The following RFX3 variants were observed in gnomAD, a reference collection of about 807,000 sequenced individuals.
The protein encoded by RFX3 is regulatory factor X3.
RFX3 carries 14 observed loss-of-function variants against 98.6 expected under a neutral mutation model. The ratio of observed to expected loss-of-function variants is 0.14; its 90% CI spans 0.09 to 0.22. The LOEUF (loss-of-function observed/expected upper bound fraction) is 0.22. RFX3 is among the 10% of genes least tolerant of loss of function. The pLI, the probability that RFX3 is intolerant of heterozygous loss-of-function variation, is 1.00. For missense variants in RFX3, 639 were observed against 926.9 expected (o/e 0.69, Z 4.03); for synonymous variants, 383 against 328.4 (o/e 1.17, Z -1.80).
chr9:3,501,700 G>C (rs781714156), intron 1 of RFX3, among the ~76,000 whole-genome samples: 37 of 151,296 alleles, frequency 2.4e-4, no homozygotes, highest in Non-Finnish European at 4.9e-4. Flanking sequence ...GGGATTACAA[G>C]GCATGTATCA....
intron 4 of RFX3, among the ~76,000 whole-genome samples, chr9:3,329,209 C>G (rs1478242852): frequency 6.6e-6 from 1 of 151,866 alleles, no homozygotes; most frequent in African/African-American, 2.4e-5. Flanking sequence ...GAGTTCGAGA[C>G]CAGCCTGGCC....
intron 8 of RFX3, among the ~76,000 whole-genome samples, chr9:3,276,276 G>T (rs991278959): frequency 6.6e-6 from 1 of 152,056 alleles, no homozygotes; most frequent in African/African-American, 2.4e-5. Flanking sequence ...CCTTCACACA[G>T]AATACAGGGA....
chr9:3,494,668 G>C (rs2133560191), intron 1 of RFX3, among the ~76,000 whole-genome samples: 1 of 152,174 alleles, frequency 6.6e-6, no homozygotes, highest in African/African-American at 2.4e-5. Context: ...ATCATTCTAT[G>C]TTAATGTTTT....
intron 2 of RFX3, among the ~76,000 whole-genome samples, chr9:3,347,201 G>A (rs1172481085): frequency 2.0e-5 from 3 of 151,994 alleles, no homozygotes; most frequent in Non-Finnish European, 2.9e-5. Flanking sequence ...TGCGCCTGTA[G>A]TCCCAGTTAC....
At chr9:3,310,465 G>A (rs916910911) in intron 4 of RFX3, among the ~76,000 whole-genome samples, 6 of 152,156 alleles carry the variant, frequency 3.9e-5, no homozygotes. Context: ...TGTTAAAAGA[G>A]TAAAGGTCAA....
chr9:3,511,189 A>G (rs1817629879), intron 1 of RFX3, among the ~76,000 whole-genome samples: 2 of 152,038 alleles, frequency 1.3e-5, no homozygotes, highest in South Asian at 4.1e-4. Flanking sequence ...TTCATATCTT[A>G]ATCATTTAAT....
Position 3,257,045 on chromosome 9 carries a change from C to T in RFX3, c.1760G>A (p.Arg587Lys). ...MMQALKPYEGRPSFPKAARQF... is the reference protein window; with the variant it reads ...MMQALKPYEGKPSFPKAARQF... The stretch of plus-strand genomic sequence containing the variant: ...CCTGGCGGCTTTAGGAAAACTGGGT[C>T]TTCCTTCATAGGGTTTCAGTGCTTG... Residue 587 changes from arginine (R) to lysine (K), a missense_variant, in exon 14 of 17, where the codon AGA (arginine) becomes AAA (lysine). By Grantham distance (26) the Arg-to-Lys change is conservative. Transcript: ENST00000617270. The T allele has an allele frequency of 8.1e-6, 13 of 1,614,000 alleles. No individual in the cohort carries two copies. Among genetic ancestry groups the T allele is most frequent in the Non-Finnish European group, 1.1e-5 (13 of 1,179,980 alleles).
intron 2 of RFX3, among the ~76,000 whole-genome samples, chr9:3,388,698 CA>C (rs1176628489): frequency 6.6e-6 from 1 of 151,980 alleles, no homozygotes; most frequent in African/African-American, 2.4e-5. Context: ...CTACCAGAAA[CA>C]AACTCTCTGA....
At chr9:3,408,436 T>C (rs1226754949) in intron 1 of RFX3, among the ~76,000 whole-genome samples, 1 of 152,140 alleles carries the variant, frequency 6.6e-6, no homozygotes, top group Non-Finnish European at 1.5e-5. Context: ...TTTCATTTTG[T>C]TGTTTCAGTC....
At chr9:3,317,300 A>G (rs949744829) in intron 4 of RFX3, among the ~76,000 whole-genome samples, 5 of 152,392 alleles carry the variant, frequency 3.3e-5, no homozygotes, top group Middle Eastern at 3.4e-3. Flanking sequence ...TGGTGCTGGG[A>G]AAACTGGCTA....
intron 1 of RFX3, among the ~76,000 whole-genome samples, chr9:3,447,999 A>C (rs757898667): frequency 2.3e-4 from 35 of 152,296 alleles, no homozygotes; most frequent in Non-Finnish European, 4.3e-4. Context: ...AGGAATCACA[A>C]GCATTTTCAT....
chr9:3,518,889 A>C (rs956766429), intron 1 of RFX3, among the ~76,000 whole-genome samples: 2 of 152,210 alleles, frequency 1.3e-5, no homozygotes, highest in African/African-American at 4.8e-5. Flanking sequence ...GTAACCTCAC[A>C]CATTTTTCTA....
chr9:3,267,516 T>C (rs1030254523), intron 11 of RFX3, among the ~76,000 whole-genome samples: 1 of 151,904 alleles, frequency 6.6e-6, no homozygotes, highest in East Asian at 1.9e-4. Flanking sequence ...ATTCCAATAA[T>C]AAAGACAACT....
At chr9:3,397,201 C>A (rs1440469061) in intron 1 of RFX3, among the ~76,000 whole-genome samples, 2 of 152,140 alleles carry the variant, frequency 1.3e-5, no homozygotes, top group Non-Finnish European at 2.9e-5. Flanking sequence ...GGCTTCCTGG[C>A]CTTGACATCC....
At chr9:3,406,710 A>T (rs1422585371) in intron 1 of RFX3, among the ~76,000 whole-genome samples, 2 of 152,190 alleles carry the variant, frequency 1.3e-5, no homozygotes, top group East Asian at 3.8e-4. Flanking sequence ...ACAATTTTTT[A>T]AAATTCTACA....
intron 5 of RFX3, among the ~76,000 whole-genome samples, chr9:3,295,959 A>C (rs191489582): frequency 1.5e-3 from 228 of 152,178 alleles, no homozygotes; most frequent in African/African-American, 5.1e-3. Context: ...CATTTAAAAA[A>C]CTGCCCTACT....
chr9:3,359,951 T>C (rs370171956), intron 2 of RFX3, among the ~76,000 whole-genome samples: 2 of 152,136 alleles, frequency 1.3e-5, no homozygotes, highest in Admixed American at 1.3e-4. Flanking sequence ...TACTAAGTTA[T>C]CTATTACAAG....
At chr9:3,247,694 C>T (rs1368281707) in intron 15 of RFX3, 3 of 1,497,286 alleles carry the variant, frequency 2.0e-6, no homozygotes, top group Admixed American at 4.9e-5. Context: ...TATTCCCAGC[C>T]CTTTGCTTTA....
intron 1 of RFX3, among the ~76,000 whole-genome samples, chr9:3,442,437 C>T (rs1437628319): frequency 1.3e-5 from 2 of 151,876 alleles, no homozygotes; most frequent in African/African-American, 4.8e-5. Context: ...TCAAAACTGT[C>T]AAGGTCATAA....
Sources: gnomAD v4.1 joint callset for allele counts (sites outside exome capture counted in the v4.1 genomes callset) on GRCh38, gnomAD v4.1.1 for gene constraint, MANE v1.5 for transcripts, NCBI Gene and HGNC (gene_info 2026-07-23, HGNC 2026-07-21) for gene names.